Variants in CALN1 observed in about 807,000 individuals in gnomAD.
CALN1 encodes the protein calcium-binding protein 8.
Under a neutral mutation model 30.6 loss-of-function variants are expected in CALN1, and 17 were observed. The ratio of observed to expected loss-of-function variants is 0.56; its 90% CI spans 0.38 to 0.83. CALN1 has a LOEUF of 0.83. CALN1 is among the 40% of genes least tolerant of loss of function. The pLI is 0.00. For missense variants in CALN1, 291 were observed against 354.9 expected, an observed-to-expected ratio of 0.82 and a Z score of 1.45; for synonymous variants, 156 against 131.4, an observed-to-expected ratio of 1.19 and a Z score of -1.28.
chr7:72,341,437 C>T (rs1425020449), intron 2 of CALN1, among the ~76,000 whole-genome samples: 2 of 152,300 alleles, frequency 1.3e-5, no homozygotes, highest in Non-Finnish European at 2.9e-5. Context: ...GCACAAGAAT[C>T]GCTTGAACCT....
intron 3 of CALN1, among the ~76,000 whole-genome samples, chr7:72,175,372 A>C (rs1789277353): frequency 6.6e-6 from 1 of 152,040 alleles, no homozygotes; most frequent in African/African-American, 2.4e-5. Flanking sequence ...ATCATTTTTT[A>C]AATAAGAATA....
chr7:72,334,253 C>T (rs75102464), intron 2 of CALN1, among the ~76,000 whole-genome samples: 34 of 152,262 alleles, frequency 2.2e-4, no homozygotes, highest in Non-Finnish European at 3.8e-4. Flanking sequence ...GAACCAGTGC[C>T]CCCTTCTGAC....
At chr7:72,295,791 C>A (rs920840271) in intron 2 of CALN1, among the ~76,000 whole-genome samples, 4 of 151,590 alleles carry the variant, frequency 2.6e-5, no homozygotes, top group African/African-American at 9.7e-5. Context: ...TCTAGATATA[C>A]AATCATGTCG....
intron 5 of CALN1, among the ~76,000 whole-genome samples, chr7:71,995,753 C>G (rs2129528205): frequency 6.6e-6 from 1 of 152,054 alleles, no homozygotes; most frequent in East Asian, 2.0e-4. Context: ...ACAGCCCCAG[C>G]AAGGTAGATC....
intron 4 of CALN1, among the ~76,000 whole-genome samples, chr7:72,040,598 G>C (rs1304631717): frequency 2.0e-5 from 3 of 152,196 alleles, no homozygotes; most frequent in South Asian, 4.1e-4. Context: ...TTGGAGACAA[G>C]GCCTTTAAGG....
At chr7:72,028,930 G>A (rs1483608876) in intron 4 of CALN1, among the ~76,000 whole-genome samples, 1 of 152,086 alleles carries the variant, frequency 6.6e-6, no homozygotes. Flanking sequence ...GGTGGAGGTT[G>A]CAGTGAGCTG....
intron 3 of CALN1, among the ~76,000 whole-genome samples, chr7:72,110,656 CTT>C (rs111431336): frequency 1.5e-3 from 215 of 139,768 alleles, no homozygotes; most frequent in Admixed American, 2.5e-3. Context: ...ACCTCACTAA[CTT>C]TTTTTTTTTT....
chr7:71,926,816 A>G (rs950311028), intron 5 of CALN1, among the ~76,000 whole-genome samples: 3 of 151,826 alleles, frequency 2.0e-5, no homozygotes, highest in African/African-American at 7.3e-5. Context: ...CATCTCTGTT[A>G]TTGTATTTTT....
intron 6 of CALN1, among the ~76,000 whole-genome samples, chr7:71,794,898 T>C (rs1052148375): frequency 9.8e-5 from 15 of 152,302 alleles, no homozygotes; most frequent in Middle Eastern, 3.4e-3. Context: ...CATAAGACCA[T>C]AGCTCACTCT....
At chr7:72,480,588 T>G in the CALN1 span, among the ~76,000 whole-genome samples, 1 of 152,314 alleles carries the variant, frequency 6.6e-6, no homozygotes, top group South Asian at 2.1e-4. Context: ...TAATTCAGAA[T>G]TCCGTAAAGT....
intron 2 of CALN1, among the ~76,000 whole-genome samples, chr7:72,308,253 ACTTGGGAGG>A (rs770928278): frequency 1.3e-5 from 2 of 151,746 alleles, no homozygotes; most frequent in African/African-American, 2.4e-5. Flanking sequence ...AATTTCAGCT[ACTTGGGAGG>A]CCAAGGCACA....
chr7:71,888,977 T>C (rs796701124), intron 5 of CALN1, among the ~76,000 whole-genome samples: 16 of 152,260 alleles, frequency 1.1e-4, no homozygotes, highest in African/African-American at 3.9e-4. Context: ...GAAGCCGCAG[T>C]GTGGTGAGGA....
chr7:72,053,867 G>A (rs1427620548), intron 4 of CALN1, among the ~76,000 whole-genome samples: 4 of 146,882 alleles, frequency 2.7e-5, no homozygotes, highest in South Asian at 2.1e-4. Context: ...TAGCTCTTAC[G>A]TATCGGTGAG....
chr7:72,410,320 T>C (rs1368197767), intron 1 of CALN1, among the ~76,000 whole-genome samples: 2 of 152,224 alleles, frequency 1.3e-5, no homozygotes, highest in Non-Finnish European at 2.9e-5. Context: ...TCATTTTGAA[T>C]ATCTTACTAC....
chr7:71,858,674 A>G (rs1791091168), intron 5 of CALN1, among the ~76,000 whole-genome samples: 1 of 152,140 alleles, frequency 6.6e-6, no homozygotes, highest in Non-Finnish European at 1.5e-5. Context: ...CTCCTCTCAC[A>G]TGTAAATTGT....
chr7:71,944,187 C>A (rs1348506920), intron 5 of CALN1, among the ~76,000 whole-genome samples: 2 of 152,198 alleles, frequency 1.3e-5, no homozygotes, highest in Non-Finnish European at 1.5e-5. Flanking sequence ...TGGCTCAAGC[C>A]TGTAATCCGA....
intron 3 of CALN1, among the ~76,000 whole-genome samples, chr7:72,182,725 A>G (rs1299908143): frequency 1.9e-5 from 2 of 107,362 alleles, no homozygotes; most frequent in African/African-American, 5.6e-5. Context: ...GTCTCCAACA[A>G]AACAAAAAAT....
At chr7:71,803,010 C>T (rs1043678564) in intron 6 of CALN1, among the ~76,000 whole-genome samples, 2 of 151,906 alleles carry the variant, frequency 1.3e-5, no homozygotes, top group East Asian at 1.9e-4. Flanking sequence ...GATGACAGAA[C>T]AAGACCCTGT....
chr7:71,958,954 C>T (rs560633488), intron 5 of CALN1, among the ~76,000 whole-genome samples: 51 of 152,310 alleles, frequency 3.3e-4, no homozygotes, highest in Non-Finnish European at 5.6e-4. Context: ...CTGACTTCTC[C>T]GAGTGGCTTT....
Sources: allele counts gnomAD v4.1 joint callset (sites outside exome capture counted in the v4.1 genomes callset), GRCh38; gene constraint gnomAD v4.1.1; transcripts MANE v1.5; gene names NCBI Gene and HGNC (gene_info 2026-07-23, HGNC 2026-07-21).